Variants in WDFY4 observed in about 807,000 individuals in gnomAD.
WDFY4 encodes WD repeat- and FYVE domain-containing protein 4.
Under a neutral mutation model 351.9 loss-of-function variants are expected in WDFY4, and 169 were observed. The observed-to-expected ratio is 0.48, with a 90% CI of 0.42 to 0.55. WDFY4 has a LOEUF of 0.55. Among genes scored for constraint, WDFY4 ranks in the 20% least tolerant of loss-of-function variants. The pLI, the probability that WDFY4 is intolerant of heterozygous loss-of-function variation, is 0.00. For synonymous variants in WDFY4, 1,622 were observed against 1,574.6 expected, an observed-to-expected ratio of 1.03 and a Z score of -0.71; for missense variants, 3,803 against 3,935.6, an observed-to-expected ratio of 0.97 and a Z score of 0.90.
chr10:48,870,603 C>G (rs2133269641), intron 40 of WDFY4, among the ~76,000 whole-genome samples: 1 of 150,532 alleles, frequency 6.6e-6, no homozygotes, highest in South Asian at 2.1e-4. Context: ...CCCAACATAA[C>G]AGAATCCCTG....
chr10:48,910,263 G>A (rs1230846666), intron 47 of WDFY4: 1 of 1,613,520 alleles, frequency 6.2e-7, no homozygotes, highest in Admixed American at 1.7e-5. Context: ...CGTATTCTGG[G>A]GATGGAGACA....
chr10:48,768,973 G>A (rs971381571), intron 13 of WDFY4, among the ~76,000 whole-genome samples: 6 of 152,208 alleles, frequency 3.9e-5, no homozygotes, highest in Admixed American at 6.5e-5. Context: ...CACTACGGCT[G>A]CAGTACAGAG....
intron 38 of WDFY4, 87 bp downstream of exon 38, chr10:48,830,972 C>T: frequency 7.6e-7 from 1 of 1,324,142 alleles, no homozygotes; most frequent in Non-Finnish European, 1.0e-6. Flanking sequence ...TGCCTAGAGC[C>T]TTTTCCACCT....
intron 39 of WDFY4, among the ~76,000 whole-genome samples, chr10:48,850,559 T>C (rs2068925247): frequency 6.6e-6 from 1 of 152,244 alleles, no homozygotes; most frequent in Non-Finnish European, 1.5e-5. Flanking sequence ...TAACCCTTTC[T>C]AACATTTTTG....
chr10:48,688,729 G>A (rs938333142), intron 1 of WDFY4, among the ~76,000 whole-genome samples: 3 of 152,188 alleles, frequency 2.0e-5, no homozygotes, highest in African/African-American at 7.2e-5. Flanking sequence ...CAGGCTAGAG[G>A]TGGTGGTGGC....
In WDFY4 at chr10:48,875,147, A is replaced by G. The variant is rs1026524872; in HGVS notation, c.7000+7A>G. On this transcript the variant is annotated splice_region_variant and intron_variant, in intron 42 of 61. Transcript: ENST00000325239. ...ACAAATGCTGAAAACCAAGGTATTC[A>G]GTTTATCTATTTTTTCCTTTAATAG... 7.9e-5 allele frequency: 113 copies of G among 1,436,306 alleles called. No homozygotes were observed. The highest frequency in any genetic ancestry group is 9.6e-5 in the Non-Finnish European group (104 of 1,087,856). 89.0% of individuals were successfully genotyped at this position (1,436,306 alleles called of 1,614,324 possible).
In WDFY4 at chr10:48,820,336, G is replaced by T; in HGVS notation, c.5608G>T (p.Ala1870Ser). The T allele has an allele frequency of 2.6e-6, 4 of 1,551,608 alleles. No homozygotes were observed. Among genetic ancestry groups the T allele is most frequent in the Non-Finnish European group, 2.6e-6 (3 of 1,146,972 alleles). The change falls in exon 33 of 62, where the codon GCC (alanine) becomes TCC (serine). Residue 1870 changes from alanine (A) to serine (S), a missense_variant. This residue lies in a region of WDFY4 where 3,054 missense variants were observed against 3,148.6 expected (regional missense o/e 0.97). Coordinates refer to ENST00000325239, the MANE Select transcript of WDFY4 (RefSeq NM_001394531.1). ...CCAGGCTCCCACCAAGGCACATCCC[G>T]CCCGGAGGAAGCTGAGGGAGTTCAC... ...GLQAPTKAHP[A>S]RRKLREFTQL... is the part of the protein sequence containing the mutation.
At position 48,963,916 on chromosome 10, in the gene WDFY4, G is replaced by A. The variant is rs773632189; in HGVS notation, c.8298G>A (p.Gly2766=). The change falls in exon 54 of 62, where the codon GGG becomes GGA. Residue 2766 remains glycine (G), a synonymous_variant. Transcript: ENST00000325239. ...IDLIFGYKQQ[G]PAAVDAVNIF... ...TTATTTTTGGGTACAAGCAGCAGGG[G>A]CCAGCCGCAGTGGATGCTGTTAATA... 2 of 1,551,534 alleles carry A rather than the reference G, an allele frequency of 1.3e-6. No individual in the cohort carries two copies. The highest frequency in any genetic ancestry group is 4.9e-5 in the East Asian group (2 of 40,924).
chr10:48,866,881 C>G (rs1339435506), intron 39 of WDFY4, among the ~76,000 whole-genome samples: 1 of 152,112 alleles, frequency 6.6e-6, no homozygotes, highest in African/African-American at 2.4e-5. Flanking sequence ...TAGAGACGTT[C>G]TTATCTAAAA....
chr10:48,979,423 C>G (rs548103413), intron 60 of WDFY4, among the ~76,000 whole-genome samples: 16 of 152,368 alleles, frequency 1.1e-4, no homozygotes, highest in African/African-American at 3.8e-4. Flanking sequence ...CATGAGACTG[C>G]ACACCATTTT....
intron 10 of WDFY4, among the ~76,000 whole-genome samples, chr10:48,735,556 A>G (rs1197092575): frequency 6.6e-6 from 1 of 152,110 alleles, no homozygotes; most frequent in Non-Finnish European, 1.5e-5. Flanking sequence ...ACCATGTTGT[A>G]CAATAGATCT....
intron 39 of WDFY4, among the ~76,000 whole-genome samples, chr10:48,857,145 C>T (rs1447477527): frequency 6.6e-6 from 1 of 152,146 alleles, no homozygotes; most frequent in African/African-American, 2.4e-5. Context: ...GCTAGTTTGG[C>T]TCACAGAACT....
intron 57 of WDFY4, among the ~76,000 whole-genome samples, chr10:48,972,560 T>C (rs1282314779): frequency 6.6e-6 from 1 of 152,268 alleles, no homozygotes; most frequent in African/African-American, 2.4e-5. Context: ...TCGATTGTTT[T>C]GTTATGTCAG....
chr10:48,929,387 A>T (rs1358922339), intron 47 of WDFY4, among the ~76,000 whole-genome samples: 1 of 152,168 alleles, frequency 6.6e-6, no homozygotes, highest in East Asian at 1.9e-4. Flanking sequence ...TCCAGCAGGA[A>T]GCTATTGTGT....
intron 3 of WDFY4, among the ~76,000 whole-genome samples, chr10:48,720,753 A>G (rs566224046): frequency 6.6e-6 from 1 of 152,308 alleles, no homozygotes; most frequent in African/African-American, 2.4e-5. Flanking sequence ...CTGAAAAGAC[A>G]CAGAGGCCAA....
intron 5 of WDFY4, among the ~76,000 whole-genome samples, chr10:48,724,679 T>C (rs1702802997): frequency 6.6e-6 from 1 of 152,018 alleles, no homozygotes; most frequent in South Asian, 2.1e-4. Context: ...TTCACAAAAA[T>C]ATACAGAGCC....
intron 1 of WDFY4, among the ~76,000 whole-genome samples, chr10:48,703,465 AG>A (rs1256242117): frequency 6.6e-6 from 1 of 152,266 alleles, no homozygotes; most frequent in Non-Finnish European, 1.5e-5. Context: ...ATAGTTGCAG[AG>A]GCTGACAAGA....
Position 48,706,703 on chromosome 10 carries a change from C to A in WDFY4, c.-17-3013C>A, listed in dbSNP as rs1486539005. On this transcript the variant is annotated intron_variant, in intron 1 of 61. Transcript: ENST00000325239. ...CTGGAAAATTTATCTATCTTTAGAT[C>A]CAACTATTTCCTTTTAGAAATTCAG... 2.6e-5 allele frequency among the ~76,000 whole-genome samples: 4 copies of A among 152,142 alleles called. No homozygotes were observed. The East Asian group carries it at 7.7e-4, about 29-fold the overall frequency.
Position 48,721,239 on chromosome 10 carries a change from T to A in WDFY4, c.350-22T>A, listed in dbSNP as rs115310406. Reference sequence around the variant, plus strand: ...TGAGTGGGCAGGTCGCTGTATGCCCTGCTGGTGACACTTTCTTCCAGAGCA... The same window carrying A: ...TGAGTGGGCAGGTCGCTGTATGCCCAGCTGGTGACACTTTCTTCCAGAGCA... On this transcript the variant is annotated intron_variant, in intron 3 of 61. Transcript: ENST00000325239. 1.9e-3 allele frequency: 2,985 copies of A among 1,551,012 alleles called. 58 individuals are homozygous for A. In the African/African-American group the frequency reaches 0.035, roughly 18 times the overall value.
Sources: gnomAD v4.1 joint callset for allele counts (sites outside exome capture counted in the v4.1 genomes callset) on GRCh38, gnomAD v4.1.1 for gene constraint, gnomAD v4.1.1 regional missense constraint, MANE v1.5 for transcripts, NCBI Gene and HGNC (gene_info 2026-07-23, HGNC 2026-07-21) for gene names.